Variants in PPM1E observed in about 807,000 individuals in gnomAD.
PPM1E encodes protein phosphatase 1E.
A neutral mutation model predicts 65.9 loss-of-function variants in PPM1E; 20 were observed. That is an observed-to-expected ratio of 0.30 (90% CI 0.21 to 0.44). PPM1E has a LOEUF of 0.44. Among genes scored for constraint, PPM1E ranks in the 20% least tolerant of loss-of-function variants. The probability of loss-of-function intolerance (pLI) is 1.00; values close to 1 mark genes in which losing one functional copy is unlikely to be tolerated. For missense variants in PPM1E, 713 were observed against 953.1 expected (o/e 0.75, Z 3.32); for synonymous variants, 352 against 374.9 (o/e 0.94, Z 0.70).
At chr17:58,817,318 A>G (rs1297102129) in intron 1 of PPM1E, among the ~76,000 whole-genome samples, 1 of 152,070 alleles carries the variant, frequency 6.6e-6, no homozygotes, top group East Asian at 1.9e-4. Flanking sequence ...TGGTAATTCT[A>G]TGTCTAATCG....
At chr17:58,841,883 T>C (rs1049666094) in intron 1 of PPM1E, among the ~76,000 whole-genome samples, 1 of 152,068 alleles carries the variant, frequency 6.6e-6, no homozygotes, top group Non-Finnish European at 1.5e-5. Flanking sequence ...AATTTTTGTA[T>C]TTTTTAGTAA....
At chr17:58,812,883 G>T (rs966922231) in intron 1 of PPM1E, among the ~76,000 whole-genome samples, 4 of 151,898 alleles carry the variant, frequency 2.6e-5, no homozygotes, top group East Asian at 3.9e-4. Context: ...TTTTTTATTT[G>T]GTAGATTTCC....
At chr17:58,868,453 G>A (rs2051030790) in intron 1 of PPM1E, among the ~76,000 whole-genome samples, 1 of 152,082 alleles carries the variant, frequency 6.6e-6, no homozygotes, top group Non-Finnish European at 1.5e-5. Context: ...GTATTAGTGA[G>A]AAGAGGGAAG....
rs563839592 is a variant in PPM1E at position 58,822,925 on chromosome 17, C to T, written c.464+66464C>T. 1.0e-3 allele frequency among the ~76,000 whole-genome samples: 158 copies of T among 152,246 alleles called. 2 individuals carry two copies. Among genetic ancestry groups the T allele is most frequent in the Middle Eastern group, 6.8e-3 (2 of 292 alleles). ...AACTGAAGCCTGCCAAAGTCAGTTG[C>T]GCCATTCTCTCCTCTTTGTCATATG... On this transcript the variant is annotated intron_variant, in intron 1 of 6. Coordinates refer to ENST00000308249, the MANE Select transcript of PPM1E (RefSeq NM_014906.5).
intron 1 of PPM1E, among the ~76,000 whole-genome samples, chr17:58,890,262 T>C (rs950934786): frequency 1.3e-5 from 2 of 152,176 alleles, no homozygotes; most frequent in Non-Finnish European, 2.9e-5. Flanking sequence ...TTAACACAAC[T>C]ATTTTTTTCA....
intron 1 of PPM1E, among the ~76,000 whole-genome samples, chr17:58,901,868 C>T (rs1425427454): frequency 4.0e-5 from 6 of 151,236 alleles, no homozygotes; most frequent in Admixed American, 6.6e-5. Context: ...CCCAGCTACT[C>T]GGGAGGCTGA....
At chr17:58,793,690 G>A (rs962665536) in intron 1 of PPM1E, among the ~76,000 whole-genome samples, 4 of 151,884 alleles carry the variant, frequency 2.6e-5, no homozygotes, top group Non-Finnish European at 2.9e-5. Flanking sequence ...TAGTGATAAA[G>A]TTAATCTACA....
intron 1 of PPM1E, among the ~76,000 whole-genome samples, chr17:58,930,015 A>G (rs1374080591): frequency 2.0e-5 from 3 of 152,000 alleles, no homozygotes; most frequent in Non-Finnish European, 4.4e-5. Context: ...CTGTTTTGAA[A>G]ATTTACTTGT....
At chr17:58,872,047 C>T (rs1261180679) in intron 1 of PPM1E, among the ~76,000 whole-genome samples, 1 of 152,174 alleles carries the variant, frequency 6.6e-6, no homozygotes, top group Non-Finnish European at 1.5e-5. Flanking sequence ...CCTGTAATCC[C>T]AGCACTTTGG....
At position 58,960,581 on chromosome 17, in the gene PPM1E, T is replaced by A. The variant is rs370488124; in HGVS notation, c.583+4814T>A. ...CTTGAGGTCAGGAGCTCGAGACCAG[T>A]CTGGCCAACATGGTGAAATTCCGTC... On this transcript the variant is annotated intron_variant, in intron 2 of 6. Coordinates refer to ENST00000308249, the MANE Select transcript of PPM1E (RefSeq NM_014906.5). Among the ~76,000 whole-genome samples the A allele has an allele frequency of 5.9e-4, 90 of 151,730 alleles. 1 individual carries two copies. The East Asian group carries it at 0.016, about 26-fold the overall frequency.
intron 1 of PPM1E, among the ~76,000 whole-genome samples, chr17:58,937,463 C>T (rs1043089165): frequency 2.7e-5 from 4 of 149,572 alleles, no homozygotes; most frequent in Non-Finnish European, 5.9e-5. Flanking sequence ...GGGGTTTCAC[C>T]ACCTTGGCCA....
chr17:58,850,767 T>C (rs1034383702), intron 1 of PPM1E, among the ~76,000 whole-genome samples: 2 of 152,338 alleles, frequency 1.3e-5, no homozygotes, highest in South Asian at 4.1e-4. Flanking sequence ...GGAGTTGCTC[T>C]TCTCAAGGAG....
rs761230021 is a variant in PPM1E at position 58,980,955 on chromosome 17, G to A, written c.2192G>A (p.Ser731Asn). The A allele has an allele frequency of 1.2e-5, 20 of 1,614,092 alleles. No homozygotes were observed. Among genetic ancestry groups the A allele is most frequent in the South Asian group, 3.3e-5 (3 of 91,088 alleles). The part of the protein sequence containing the change: ...PWRQNSWKGY[S>N]ENMRKLRKTH... ...AGGCAAAATAGTTGGAAAGGGTACA[G>A]TGAAAACATGAGGAAGCTCAGAAAG... Residue 731 changes from serine to asparagine, a missense_variant, in exon 7 of 7, where the codon AGT (serine) becomes AAT (asparagine). By Grantham distance (46) the Ser-to-Asn change is conservative. Around this residue, in one of 6 missense-constraint regions of PPM1E, gnomAD observed 286 missense variants for 313.8 expected, o/e 0.91. Transcript: ENST00000308249. The surrounding 1 kb of genome is among the most constrained non-coding windows in gnomAD (Gnocchi z 4.7).
chr17:58,928,952 C>T (rs1237370095), intron 1 of PPM1E, among the ~76,000 whole-genome samples: 1 of 152,106 alleles, frequency 6.6e-6, no homozygotes, highest in Non-Finnish European at 1.5e-5. Context: ...GATCCACCCG[C>T]CTCGGCCTCC....
chr17:58,887,101 A>G (rs2051275163), intron 1 of PPM1E, among the ~76,000 whole-genome samples: 1 of 152,044 alleles, frequency 6.6e-6, no homozygotes, highest in African/African-American at 2.4e-5. Flanking sequence ...TATAGCATTT[A>G]ATTATTAATT....
intron 1 of PPM1E, among the ~76,000 whole-genome samples, chr17:58,923,447 TA>T (rs974674315): frequency 1.3e-5 from 2 of 151,476 alleles, no homozygotes; most frequent in East Asian, 3.9e-4. Context: ...ATCCCATTCC[TA>T]AAAAAAAGTC....
At chr17:58,892,956 C>T (rs1397037848) in intron 1 of PPM1E, among the ~76,000 whole-genome samples, 1 of 152,168 alleles carries the variant, frequency 6.6e-6, no homozygotes, top group Non-Finnish European at 1.5e-5. Context: ...CTTGACAACA[C>T]CAAATGCTGA....
At chr17:58,920,668 T>C (rs774690390) in intron 1 of PPM1E, among the ~76,000 whole-genome samples, 2 of 152,194 alleles carry the variant, frequency 1.3e-5, no homozygotes, top group African/African-American at 2.4e-5. Flanking sequence ...GATTTTGTTT[T>C]AGGACAAATA....
At chr17:58,906,451 A>C (rs1368275524) in intron 1 of PPM1E, among the ~76,000 whole-genome samples, 1 of 151,834 alleles carries the variant, frequency 6.6e-6, no homozygotes, top group African/African-American at 2.4e-5. Context: ...TGATCCTCCC[A>C]CCTCAACCTC....
Sources: allele counts gnomAD v4.1 joint callset (sites outside exome capture counted in the v4.1 genomes callset), GRCh38; gene constraint gnomAD v4.1.1; regional missense constraint gnomAD v4.1.1; non-coding constraint Gnocchi (gnomAD v3.1); transcripts MANE v1.5; gene names NCBI Gene and HGNC (gene_info 2026-07-23, HGNC 2026-07-21).